Variants in PLCL1 observed in about 807,000 individuals in gnomAD.
PLCL1 encodes inactive phospholipase C-like protein 1.
Under a neutral mutation model 84.4 loss-of-function variants are expected in PLCL1, and 41 were observed. The observed-to-expected ratio is 0.49, with a 90% CI of 0.38 to 0.63. The LOEUF (loss-of-function observed/expected upper bound fraction) is 0.63. PLCL1 is among the 30% of genes least tolerant of loss of function. The probability of loss-of-function intolerance (pLI) is 0.00; values close to 1 mark genes in which losing one functional copy is unlikely to be tolerated. For missense variants in PLCL1, 1,206 were observed against 1,367.8 expected, an observed-to-expected ratio of 0.88 and a Z score of 1.87; for synonymous variants, 490 against 488.3, an observed-to-expected ratio of 1.00 and a Z score of -0.05.
chr2:197,881,895 A>T (rs1687837366), intron 1 of PLCL1, among the ~76,000 whole-genome samples: 1 of 152,012 alleles, frequency 6.6e-6, no homozygotes, highest in Non-Finnish European at 1.5e-5. Flanking sequence ...TCTCCTTATT[A>T]TCTGGAAGCA....
chr2:197,985,166 C>G (rs1220900857), intron 1 of PLCL1, among the ~76,000 whole-genome samples: 2 of 152,128 alleles, frequency 1.3e-5, no homozygotes, highest in Admixed American at 1.3e-4. Flanking sequence ...AGGGTGAAAT[C>G]CTACTAGCTG....
At chr2:197,885,418 A>G (rs1016120079) in intron 1 of PLCL1, among the ~76,000 whole-genome samples, 2 of 152,208 alleles carry the variant, frequency 1.3e-5, no homozygotes, top group Admixed American at 6.5e-5. Flanking sequence ...GACAAGAAAC[A>G]GAGAAGGGGG....
intron 1 of PLCL1, among the ~76,000 whole-genome samples, chr2:197,876,122 G>A (rs911111903): frequency 2.6e-5 from 4 of 152,204 alleles, no homozygotes; most frequent in Non-Finnish European, 4.4e-5. Flanking sequence ...AAGAAGTATG[G>A]TTAAGCACAT....
In PLCL1 at chr2:197,925,783, G is replaced by T. The variant is rs189298199; in HGVS notation, c.240+120444G>T. ...GACCTCCTCTACACCAGAGCCTCCTGCCAAACCTTCCCACACCTTTGTCAT... is the reference window on the plus strand; with the variant it reads ...GACCTCCTCTACACCAGAGCCTCCTTCCAAACCTTCCCACACCTTTGTCAT... On this transcript the variant is annotated intron_variant, in intron 1 of 5. Transcript: ENST00000428675. 2.3e-3 allele frequency among the ~76,000 whole-genome samples: 324 copies of T among 138,754 alleles called. 1 individual carries two copies. Among genetic ancestry groups the T allele is most frequent in the African/African-American group, 8.3e-3 (308 of 37,180 alleles). The allele number at this position is 138,754 out of a possible 152,430, so 91.0% of individuals were successfully genotyped here.
intron 1 of PLCL1, among the ~76,000 whole-genome samples, chr2:198,072,966 T>A (rs1692498442): frequency 6.6e-6 from 1 of 152,200 alleles, no homozygotes; most frequent in South Asian, 2.1e-4. Flanking sequence ...TTATTTCCTT[T>A]TTTCCTTGAC....
At chr2:197,901,784 T>C (rs138891779) in intron 1 of PLCL1, among the ~76,000 whole-genome samples, 78 of 152,298 alleles carry the variant, frequency 5.1e-4, no homozygotes, top group Non-Finnish European at 9.3e-4. Flanking sequence ...TCAGATCACT[T>C]ATTCCAATAA....
At chr2:197,935,963 T>G (rs1220884913) in intron 1 of PLCL1, among the ~76,000 whole-genome samples, 1 of 152,176 alleles carries the variant, frequency 6.6e-6, no homozygotes, top group Non-Finnish European at 1.5e-5. Flanking sequence ...AAGTTCAGCT[T>G]TTTTAGATTC....
intron 1 of PLCL1, among the ~76,000 whole-genome samples, chr2:197,851,367 T>G (rs1332989967): frequency 6.6e-6 from 1 of 152,238 alleles, no homozygotes; most frequent in Non-Finnish European, 1.5e-5. Flanking sequence ...AGTAATTACG[T>G]AGCTTATCAA....
chr2:197,979,665 C>T (rs1308291565), intron 1 of PLCL1, among the ~76,000 whole-genome samples: 2 of 152,186 alleles, frequency 1.3e-5, no homozygotes, highest in African/African-American at 2.4e-5. Context: ...ATCCCAGTTG[C>T]CTTCCCCAGG....
intron 1 of PLCL1, among the ~76,000 whole-genome samples, chr2:197,947,955 A>G (rs1689314842): frequency 6.6e-6 from 1 of 152,188 alleles, no homozygotes; most frequent in African/African-American, 2.4e-5. Context: ...TAAGCAGTAG[A>G]GGACATAATT....
intron 1 of PLCL1, among the ~76,000 whole-genome samples, chr2:197,902,269 G>A (rs1043732698): frequency 6.6e-6 from 1 of 152,130 alleles, no homozygotes; most frequent in African/African-American, 2.4e-5. Context: ...ATAGACCCTG[G>A]AATGGATATA....
At chr2:197,862,622 C>T (rs1391614265) in intron 1 of PLCL1, among the ~76,000 whole-genome samples, 2 of 152,128 alleles carry the variant, frequency 1.3e-5, no homozygotes, top group African/African-American at 2.4e-5. Flanking sequence ...GTGCCAGTCT[C>T]AGGCTTGATG....
At chr2:197,981,228 T>C (rs1345264286) in intron 1 of PLCL1, among the ~76,000 whole-genome samples, 1 of 152,170 alleles carries the variant, frequency 6.6e-6, no homozygotes, top group Non-Finnish European at 1.5e-5. Context: ...AAGACACACA[T>C]GTAGCTTGTA....
At chr2:198,103,280 AT>A (rs938553537) in intron 4 of PLCL1, among the ~76,000 whole-genome samples, 7 of 151,826 alleles carry the variant, frequency 4.6e-5, no homozygotes, top group African/African-American at 4.8e-5. Flanking sequence ...ACTTATTAAA[AT>A]TTTTTTTAAT....
chr2:197,877,886 A>G (rs1428109363), intron 1 of PLCL1, among the ~76,000 whole-genome samples: 1 of 152,130 alleles, frequency 6.6e-6, no homozygotes, highest in East Asian at 1.9e-4. Flanking sequence ...TTGTGTGCAA[A>G]TGTAGTAAAT....
In PLCL1 at chr2:197,950,016, A is replaced by C. The variant is rs564090928; in HGVS notation, c.241-133742A>C. Among the ~76,000 whole-genome samples the C allele has an allele frequency of 7.2e-5, 11 of 152,248 alleles. No homozygotes were observed. The South Asian group carries it at 2.1e-3, about 29-fold the overall frequency. On this transcript the variant is annotated intron_variant, in intron 1 of 5. Coordinates refer to ENST00000428675, the MANE Select transcript of PLCL1 (RefSeq NM_006226.4). The stretch of plus-strand genomic sequence containing the variant: ...CCTCCACCATTGCATGTACCTAGGG[A>C]ATCCTCAGAAACTTGGGGCAGAGCT...
At chr2:198,146,710 G>T in intron 5 of PLCL1, 70 bp from the exon 6 acceptor site, 1 of 1,308,420 alleles carries the variant, frequency 7.6e-7, no homozygotes, top group Non-Finnish European at 1.1e-6. Flanking sequence ...TAAGAACATA[G>T]AGTGATGTCA....
At chr2:197,943,280 T>G (rs1335478408) in intron 1 of PLCL1, among the ~76,000 whole-genome samples, 2 of 151,996 alleles carry the variant, frequency 1.3e-5, no homozygotes, top group African/African-American at 2.4e-5. Flanking sequence ...TTTTTCATTA[T>G]TTCTTGATTA....
chr2:197,896,086 T>C (rs1688128539), intron 1 of PLCL1, among the ~76,000 whole-genome samples: 1 of 151,946 alleles, frequency 6.6e-6, no homozygotes, highest in Non-Finnish European at 1.5e-5. Flanking sequence ...CTTAACAAAA[T>C]TGAACCTGTA....
Sources: allele counts gnomAD v4.1 joint callset (sites outside exome capture counted in the v4.1 genomes callset), GRCh38; gene constraint gnomAD v4.1.1; transcripts MANE v1.5; gene names NCBI Gene and HGNC (gene_info 2026-07-23, HGNC 2026-07-21).